Variants in PSMB7 observed in about 807,000 individuals in gnomAD.
PSMB7 encodes the protein proteasome subunit beta type-7.
Under a neutral mutation model 28.1 loss-of-function variants are expected in PSMB7, and 5 were observed. The observed-to-expected ratio is 0.18, with a 90% CI of 0.09 to 0.37. The LOEUF (loss-of-function observed/expected upper bound fraction) is 0.37. Among genes scored for constraint, PSMB7 ranks in the 10% least tolerant of loss-of-function variants. The pLI is 1.00. For synonymous variants in PSMB7, 122 were observed against 123.7 expected (o/e 0.99, Z 0.09); for missense variants, 275 against 346.2 (o/e 0.79, Z 1.63).
intron 6 of PSMB7, among the ~76,000 whole-genome samples, chr9:124,368,837 G>A (rs1830533915): frequency 6.6e-6 from 1 of 152,178 alleles, no homozygotes; most frequent in South Asian, 2.1e-4. Flanking sequence ...GCCATTTCAT[G>A]AGAGTGAGTT....
At chr9:124,379,720 C>T (rs1381822636) in intron 6 of PSMB7, among the ~76,000 whole-genome samples, 1 of 152,176 alleles carries the variant, frequency 6.6e-6, no homozygotes, top group Non-Finnish European at 1.5e-5. Context: ...CTTCATTTTC[C>T]CTGTGTCCTT....
intron 5 of PSMB7, among the ~76,000 whole-genome samples, chr9:124,386,835 A>G (rs1830725741): frequency 7.5e-6 from 1 of 133,488 alleles, no homozygotes; most frequent in Non-Finnish European, 1.8e-5. Flanking sequence ...TTGCACAGTA[A>G]ATTTTTTTTT....
In PSMB7 at chr9:124,356,024, C is replaced by T. The variant is rs1034538365; in HGVS notation, c.722+740G>A. Among the ~76,000 whole-genome samples, 2 of 152,154 alleles carry T rather than the reference C, an allele frequency of 1.3e-5. No individual in the cohort carries two copies. The highest frequency in any genetic ancestry group is 6.5e-5 in the Admixed American group (1 of 15,280). ...TAGTTTATAAATGCCCTGTGCTGCA[C>T]CCAGATGCTGCAGCTGGAAGCAGCA... On this transcript the variant is annotated intron_variant, in intron 7 of 7. Coordinates refer to ENST00000259457, the MANE Select transcript of PSMB7 (RefSeq NM_002799.4). The surrounding 1 kb of genome is among the most constrained non-coding windows in gnomAD (Gnocchi z 4.4).
At chr9:124,377,010 T>TA (rs1223370213) in intron 6 of PSMB7, among the ~76,000 whole-genome samples, 3 of 152,244 alleles carry the variant, frequency 2.0e-5, no homozygotes, top group Non-Finnish European at 4.4e-5. Flanking sequence ...GGCCTGTATC[T>TA]ATCTATATCA....
At chr9:124,406,520 A>G (rs1312173669) in intron 4 of PSMB7, among the ~76,000 whole-genome samples, 5 of 149,936 alleles carry the variant, frequency 3.3e-5, no homozygotes, top group African/African-American at 9.9e-5. Context: ...AAAAAAAAAA[A>G]GTATCAACCT....
intron 7 of PSMB7, among the ~76,000 whole-genome samples, chr9:124,355,118 G>T (rs1219801952): frequency 6.6e-6 from 1 of 152,230 alleles, no homozygotes; most frequent in Non-Finnish European, 1.5e-5. Flanking sequence ...CCCATCTTCA[G>T]TCACTGGCAA....
intron 5 of PSMB7, among the ~76,000 whole-genome samples, chr9:124,398,223 C>T (rs929037517): frequency 2.7e-5 from 4 of 150,262 alleles, no homozygotes; most frequent in Non-Finnish European, 4.4e-5. Context: ...TCTCTCAATA[C>T]CCAACTCCTC....
At chr9:124,413,788 T>C in intron 3 of PSMB7, 120 bp downstream of exon 3, 2 of 662,692 alleles carry the variant, frequency 3.0e-6, no homozygotes, top group South Asian at 1.9e-5. Context: ...GGAAATGCCA[T>C]TTAAGGGAGA....
At chr9:124,411,100 C>G (rs888459522) in intron 4 of PSMB7, among the ~76,000 whole-genome samples, 2 of 152,086 alleles carry the variant, frequency 1.3e-5, no homozygotes, top group African/African-American at 2.4e-5. Context: ...CTCAGCCTCC[C>G]AAGTAGCTGG....
At chr9:124,373,750 T>C (rs760911557) in intron 6 of PSMB7, among the ~76,000 whole-genome samples, 7 of 152,226 alleles carry the variant, frequency 4.6e-5, no homozygotes, top group Non-Finnish European at 1.0e-4. Flanking sequence ...ATAGAGGATA[T>C]ATGGAAGGAT....
intron 4 of PSMB7, among the ~76,000 whole-genome samples, 171 bp downstream of exon 4, chr9:124,412,181 A>G (rs1425760925): frequency 1.3e-5 from 2 of 152,232 alleles, no homozygotes; most frequent in Admixed American, 1.3e-4. Flanking sequence ...CAGAAATTCA[A>G]ATGCACCATC....
intron 6 of PSMB7, among the ~76,000 whole-genome samples, chr9:124,361,983 C>T (rs565220484): frequency 6.6e-6 from 1 of 152,228 alleles, no homozygotes; most frequent in African/African-American, 2.4e-5. Context: ...GCACTCTGGA[C>T]AGTTCAGCAT....
intron 5 of PSMB7, among the ~76,000 whole-genome samples, chr9:124,393,535 T>G (rs1830810826): frequency 6.6e-6 from 1 of 152,246 alleles, no homozygotes; most frequent in Admixed American, 6.5e-5. Context: ...TTTAATTTGC[T>G]AAAAATATTT....
intron 5 of PSMB7, among the ~76,000 whole-genome samples, chr9:124,390,846 A>G (rs946755032): frequency 2.6e-5 from 4 of 152,236 alleles, no homozygotes; most frequent in African/African-American, 7.2e-5. Flanking sequence ...GTGTAACAGC[A>G]GCAGCAGGCA....
intron 6 of PSMB7, among the ~76,000 whole-genome samples, chr9:124,360,635 C>T (rs1038862573): frequency 3.9e-5 from 6 of 152,256 alleles, no homozygotes; most frequent in African/African-American, 1.4e-4. Flanking sequence ...CTTTTGCTTT[C>T]AGACGCTCAG....
chr9:124,408,955 G>A (rs893376111), intron 4 of PSMB7, among the ~76,000 whole-genome samples: 1 of 152,114 alleles, frequency 6.6e-6, no homozygotes, highest in Non-Finnish European at 1.5e-5. Flanking sequence ...GCACTGTTAG[G>A]TGAGAAGACT....
At chr9:124,357,782 T>C (rs1806770927) in intron 6 of PSMB7, among the ~76,000 whole-genome samples, 1 of 152,102 alleles carries the variant, frequency 6.6e-6, no homozygotes, top group Non-Finnish European at 1.5e-5. Flanking sequence ...CCTAGGGGCT[T>C]AAGAGTCTAG....
At position 124,414,954 on chromosome 9, in the gene PSMB7, A is replaced by T; in HGVS notation, c.63-19T>A. ...GGCATTCCTAAGAGCAAATGAGAGA[A>T]TCAAGTGTTGAAGGGCAGGACCACA... On this transcript the variant is annotated intron_variant, in intron 1 of 7. Coordinates refer to ENST00000259457, the MANE Select transcript of PSMB7 (RefSeq NM_002799.4). The T allele has an allele frequency of 6.4e-7, 1 of 1,574,480 alleles. No individual in the cohort carries two copies. Among genetic ancestry groups the T allele is most frequent in the Non-Finnish European group, 8.7e-7 (1 of 1,147,152 alleles).
chr9:124,378,939 C>T (rs1025742234), intron 6 of PSMB7, among the ~76,000 whole-genome samples: 14 of 152,174 alleles, frequency 9.2e-5, no homozygotes, highest in African/African-American at 2.9e-4. Context: ...CTAAGCTAGC[C>T]TGTGGGTAAG....
Sources: gnomAD v4.1 joint callset for allele counts (sites outside exome capture counted in the v4.1 genomes callset) on GRCh38, gnomAD v4.1.1 for gene constraint, Gnocchi (gnomAD v3.1) non-coding constraint, MANE v1.5 for transcripts, NCBI Gene and HGNC (gene_info 2026-07-23, HGNC 2026-07-21) for gene names.